GALK2: variants seen among roughly 807,000 people sequenced by gnomAD.
GALK2 encodes the protein N-acetylgalactosamine kinase.
GALK2 carries 36 observed loss-of-function variants against 52.4 expected under a neutral mutation model. The ratio of observed to expected loss-of-function variants is 0.69; its 90% CI spans 0.53 to 0.91. The LOEUF (loss-of-function observed/expected upper bound fraction) is 0.91. GALK2 is among the 40% of genes least tolerant of loss of function. GALK2 has a pLI of 0.00. For missense variants in GALK2, 579 were observed against 559.1 expected (o/e 1.04, Z -0.36); for synonymous variants, 176 against 199.1 (o/e 0.88, Z 0.98).
chr15:49,239,337 G>A lies in GALK2; in HGVS notation c.474G>A (p.Thr158=), dbSNP rs544545223. The change falls in exon 5 of 10, where the codon ACG becomes ACA. Residue 158 remains threonine (T), a synonymous_variant. Transcript: ENST00000560031. ...TGGTCTGTTGTGCTGGCTTGGTGAC[G>A]CTCACAGTGCTGGGAAGGAATCTAT... The part of the protein sequence containing the change: ...SALVCCAGLV[T]LTVLGRNLSK... 9.5e-5 allele frequency: 153 copies of A among 1,613,974 alleles called. 3 individuals carry two copies. The South Asian group carries it at 1.4e-3, about 15-fold the overall frequency.
intron 2 of GALK2, 90 bp downstream of exon 2, chr15:49,201,340 C>A: frequency 1.4e-6 from 1 of 693,350 alleles, no homozygotes; most frequent in South Asian, 2.0e-5. Context: ...TAATTTTTCC[C>A]AAAATAGAAT....
chr15:49,316,498 G>A (rs936465735), intron 8 of GALK2, among the ~76,000 whole-genome samples: 2 of 152,050 alleles, frequency 1.3e-5, no homozygotes, highest in Admixed American at 1.3e-4. Context: ...ATAGCATTAG[G>A]AGATATACCT....
At chr15:49,173,317 T>C (rs1243567302) in intron 1 of GALK2, among the ~76,000 whole-genome samples, 1 of 152,228 alleles carries the variant, frequency 6.6e-6, no homozygotes, top group Non-Finnish European at 1.5e-5. Context: ...CATTCAACAA[T>C]TGATGGACAT....
At chr15:49,313,512 T>C (rs2036162607) in intron 8 of GALK2, among the ~76,000 whole-genome samples, 1 of 152,208 alleles carries the variant, frequency 6.6e-6, no homozygotes, top group Non-Finnish European at 1.5e-5. Flanking sequence ...CTCCCACTAC[T>C]GGTCCTTCCC....
intron 4 of GALK2, among the ~76,000 whole-genome samples, chr15:49,237,876 G>A (rs1158779809): frequency 1.3e-5 from 2 of 151,842 alleles, no homozygotes; most frequent in Admixed American, 1.3e-4. Flanking sequence ...CAAGCTGTCT[G>A]ATATTCTGTA....
intron 5 of GALK2, among the ~76,000 whole-genome samples, chr15:49,249,974 T>C (rs868571639): frequency 1.1e-4 from 16 of 152,196 alleles, no homozygotes; most frequent in South Asian, 2.1e-4. Flanking sequence ...TGCTAGCCAA[T>C]TGGGACAAAT....
chr15:49,299,710 C>CTTGT (rs1555428281), intron 8 of GALK2, among the ~76,000 whole-genome samples: 15 of 25,398 alleles, frequency 5.9e-4, no homozygotes, highest in African/African-American at 2.4e-3. Flanking sequence ...CTTGGTATTG[C>CTTGT]TTTCTTTCTT....
chr15:49,321,596 T>C (rs2151088566), intron 9 of GALK2, among the ~76,000 whole-genome samples: 1 of 152,152 alleles, frequency 6.6e-6, no homozygotes, highest in Middle Eastern at 3.4e-3. Flanking sequence ...TAGGTAAGAG[T>C]TATCTTAGAG....
chr15:49,239,738 G>C (rs966772764), intron 5 of GALK2, among the ~76,000 whole-genome samples: 1 of 152,156 alleles, frequency 6.6e-6, no homozygotes, highest in Non-Finnish European at 1.5e-5. Context: ...CAAGTAGTGG[G>C]TTACAAGGGT....
chr15:49,206,446 C>T (rs979066920), intron 2 of GALK2, among the ~76,000 whole-genome samples: 5 of 152,112 alleles, frequency 3.3e-5, no homozygotes, highest in Admixed American at 3.3e-4. Context: ...ATTGATTCTA[C>T]CCATCCATGA....
intron 5 of GALK2, among the ~76,000 whole-genome samples, chr15:49,258,778 A>G (rs1407312921): frequency 1.0e-5 from 1 of 99,558 alleles, no homozygotes; most frequent in Non-Finnish European, 2.1e-5. Flanking sequence ...ATTTGGAAGC[A>G]TATATATATA....
At position 49,218,935 on chromosome 15, in the gene GALK2, C is replaced by T. The variant is rs538448548; in HGVS notation, c.266+1622C>T. Among the ~76,000 whole-genome samples, 8 of 152,270 alleles carry T rather than the reference C, an allele frequency of 5.3e-5. No homozygotes were observed. The East Asian group carries it at 1.5e-3, about 29-fold the overall frequency. ...CTGCCTCCCAGGTTCAAGAGATTCT[C>T]CCACTTCAGTCTCCGGAGTAGCTGG... On this transcript the variant is annotated intron_variant, in intron 3 of 9. Transcript: ENST00000560031.
At chr15:49,344,406 T>G (rs1029916183) in intron 3 of GALK2, among the ~76,000 whole-genome samples, 9 of 152,224 alleles carry the variant, frequency 5.9e-5, no homozygotes, top group South Asian at 2.1e-4. Flanking sequence ...TTACACTGAA[T>G]GTACATACCT....
At chr15:49,166,674 C>T (rs1179386777), upstream of GALK2, among the ~76,000 whole-genome samples, 1 of 152,190 alleles carries the variant, frequency 6.6e-6, no homozygotes, top group East Asian at 1.9e-4. Flanking sequence ...CGCGCCATTG[C>T]ACTCCAGCCT....
chr15:49,236,642 T>G (rs1367709231), intron 4 of GALK2, among the ~76,000 whole-genome samples: 1 of 152,224 alleles, frequency 6.6e-6, no homozygotes, highest in African/African-American at 2.4e-5. Flanking sequence ...ATATTTGCTG[T>G]TTTTAGAGCC....
intron 7 of GALK2, among the ~76,000 whole-genome samples, 165 bp from the exon 8 acceptor site, chr15:49,292,162 A>G (rs557352971): frequency 1.3e-5 from 2 of 152,296 alleles, no homozygotes; most frequent in South Asian, 4.1e-4. Flanking sequence ...AATTCCAGGC[A>G]TCTGAAGCCA....
chr15:49,279,086 G>T (rs2032319819), intron 5 of GALK2, among the ~76,000 whole-genome samples: 1 of 152,204 alleles, frequency 6.6e-6, no homozygotes, highest in Admixed American at 6.5e-5. Flanking sequence ...ACCTGGTCCT[G>T]CCCTTGACAC....
chr15:49,361,993 T>C (rs193119075), intron 3 of GALK2, among the ~76,000 whole-genome samples: 8 of 152,270 alleles, frequency 5.3e-5, no homozygotes, highest in African/African-American at 9.6e-5. Context: ...TCTCTTATGA[T>C]TAGTGATGTT....
chr15:49,245,962 A>G (rs11858114), intron 5 of GALK2, among the ~76,000 whole-genome samples: 100,349 of 151,962 alleles, frequency 0.66, 33,732 homozygotes, highest in African/African-American at 0.74. Flanking sequence ...GACACCTGGT[A>G]TTTCAGTACT....
Sources: gnomAD v4.1 joint callset for allele counts (sites outside exome capture counted in the v4.1 genomes callset) on GRCh38, gnomAD v4.1.1 for gene constraint, MANE v1.5 for transcripts, NCBI Gene and HGNC (gene_info 2026-07-23, HGNC 2026-07-21) for gene names.